Variants in PCDHGA6 observed in about 807,000 individuals in gnomAD.
PCDHGA6 encodes the protein protocadherin gamma-A6.
PCDHGA6 carries 41 observed loss-of-function variants against 60.6 expected under a neutral mutation model. The observed-to-expected ratio is 0.68, with a 90% confidence interval of 0.53 to 0.88. The LOEUF is 0.88. Ranked by LOEUF, PCDHGA6 falls within the 40% of genes least tolerant of loss-of-function variation. The pLI is 0.00. For missense variants in PCDHGA6, 1,312 were observed against 1,203.0 expected (o/e 1.09, Z -1.34); for synonymous variants, 594 against 524.4 (o/e 1.13, Z -1.81).
chr5:141,399,055 G>A (rs372997829), intron 1 of PCDHGA6: 3 of 1,613,726 alleles, frequency 1.9e-6, no homozygotes, highest in African/African-American at 2.7e-5. Context: ...AGAGACCAAG[G>A]AATATTCAAT....
chr5:141,494,962 T>G (rs1644946600), intron 2 of PCDHGA6, 97 bp downstream of exon 2: 4 of 1,596,756 alleles, frequency 2.5e-6, no homozygotes, highest in Non-Finnish European at 3.4e-6. Context: ...TTGCTACAGA[T>G]GGCTTCTCCC....
intron 1 of PCDHGA6, chr5:141,385,740 T>A: frequency 4.9e-6 from 1 of 202,756 alleles, no homozygotes; most frequent in Non-Finnish European, 8.9e-6. Context: ...ATTTCTTCCA[T>A]GTGAAGATTT....
intron 1 of PCDHGA6, chr5:141,395,626 G>A (rs57582939): frequency 0.038 from 6,997 of 184,208 alleles, 191 homozygotes; most frequent in African/African-American, 0.067. Context: ...TTATCAAGAA[G>A]TCTAAAGCCT....
intron 1 of PCDHGA6, chr5:141,390,655 A>G (rs2092202484): frequency 4.9e-6 from 1 of 204,734 alleles, no homozygotes; most frequent in Non-Finnish European, 9.8e-6. Flanking sequence ...GCTTGGATAT[A>G]CCATAAATAT....
At chr5:141,390,019 G>GCCTGCGAC (rs1380063948) in intron 1 of PCDHGA6, 1 of 1,614,002 alleles carries the variant, frequency 6.2e-7, no homozygotes. Context: ...ATTGCCTTGC[G>GCCTGCGAC]CCTGCGACGC....
intron 1 of PCDHGA6, chr5:141,393,074 G>C (rs775449711): frequency 7.4e-6 from 12 of 1,613,592 alleles, no homozygotes; most frequent in African/African-American, 2.7e-5. Flanking sequence ...TGATCACCGC[G>C]GGCAGGATAG....
At chr5:141,467,736 G>T (rs1435480730) in intron 1 of PCDHGA6, among the ~76,000 whole-genome samples, 1 of 151,902 alleles carries the variant, frequency 6.6e-6, no homozygotes, top group Admixed American at 6.6e-5. Context: ...ATCCCAGCTC[G>T]CTGCAACCTC....
chr5:141,455,795 C>T (rs1251703490), intron 1 of PCDHGA6, among the ~76,000 whole-genome samples: 1 of 151,960 alleles, frequency 6.6e-6, no homozygotes, highest in African/African-American at 2.4e-5. Flanking sequence ...TCCGGAGATG[C>T]TTTAAAAAAT....
At chr5:141,402,361 T>G (rs2094255838) in intron 1 of PCDHGA6, among the ~76,000 whole-genome samples, 1 of 151,992 alleles carries the variant, frequency 6.6e-6, no homozygotes, top group Admixed American at 6.6e-5. Flanking sequence ...ATGAATGTAC[T>G]TCCAAACAAG....
chr5:141,444,146 T>C (rs2098418879), intron 1 of PCDHGA6, among the ~76,000 whole-genome samples: 2 of 145,824 alleles, frequency 1.4e-5, no homozygotes, highest in South Asian at 4.3e-4. Flanking sequence ...CACTTGTGTG[T>C]ACTGGATTTT....
chr5:141,504,287 T>C (rs1191226511), intron 2 of PCDHGA6, among the ~76,000 whole-genome samples: 2 of 152,166 alleles, frequency 1.3e-5, no homozygotes, highest in Non-Finnish European at 2.9e-5. Flanking sequence ...AATCATTTCA[T>C]GTTTTTTCAA....
intron 1 of PCDHGA6, chr5:141,427,962 G>T: frequency 2.5e-6 from 4 of 1,590,100 alleles, no homozygotes; most frequent in Non-Finnish European, 3.4e-6. Flanking sequence ...TGTGCCGCGG[G>T]TGCTGTACCC....
chr5:141,439,172 G>A (rs1181712838), intron 1 of PCDHGA6, among the ~76,000 whole-genome samples: 1 of 147,496 alleles, frequency 6.8e-6, no homozygotes, highest in Admixed American at 6.8e-5. Context: ...CAGCCTGGGC[G>A]ACATAGTGAG....
At chr5:141,458,617 T>A (rs1392739721) in intron 1 of PCDHGA6, among the ~76,000 whole-genome samples, 6 of 152,170 alleles carry the variant, frequency 3.9e-5, no homozygotes, top group Non-Finnish European at 8.8e-5. Flanking sequence ...TCAGCCAGGC[T>A]GGAGTGCAGT....
At chr5:141,384,573 C>A in intron 1 of PCDHGA6, 1 of 1,614,250 alleles carries the variant, frequency 6.2e-7, no homozygotes, top group Non-Finnish European at 8.5e-7. Context: ...AGAATGACAA[C>A]CCGCCCGAGA....
At chr5:141,400,799 G>A in intron 1 of PCDHGA6, 1 of 553,494 alleles carries the variant, frequency 1.8e-6, no homozygotes, top group Non-Finnish European at 3.2e-6. Context: ...CTTTCTCAAA[G>A]CTAATGAATT....
chr5:141,388,923 TTCCAG>T (rs1561622090), intron 1 of PCDHGA6: 2 of 1,614,002 alleles, frequency 1.2e-6, no homozygotes, highest in Admixed American at 1.7e-5. Context: ...AGAAGTGATA[TTCCAG>T]TCTCTACCCA....
intron 1 of PCDHGA6, among the ~76,000 whole-genome samples, chr5:141,438,792 G>T (rs2098065674): frequency 6.7e-6 from 1 of 149,346 alleles, no homozygotes. Flanking sequence ...CTCTCCAGTA[G>T]CTGGGATTAC....
Position 141,490,220 on chromosome 5 carries a change from A to G in PCDHGA6, c.2425-4587A>G. 6.2e-7 allele frequency: 1 copy of G among 1,614,252 alleles called. No individual in the cohort carries two copies. Among genetic ancestry groups the G allele is most frequent in the Non-Finnish European group, 8.5e-7 (1 of 1,180,044 alleles). On this transcript the variant is annotated intron_variant, in intron 1 of 3. Coordinates refer to ENST00000517434, the MANE Select transcript of PCDHGA6 (RefSeq NM_018919.3). This position sits in a 1 kb window ranked among gnomAD's most constrained non-coding sequence, Gnocchi z 5.4. The stretch of plus-strand genomic sequence containing the variant: ...CATGCAAGAGCCCGTGACCAGGGAC[A>G]GCCTGCCATGGAGGGCCACTGTGTG...
Sources: allele counts gnomAD v4.1 joint callset (sites outside exome capture counted in the v4.1 genomes callset), GRCh38; gene constraint gnomAD v4.1.1; non-coding constraint Gnocchi (gnomAD v3.1); transcripts MANE v1.5; gene names NCBI Gene and HGNC (gene_info 2026-07-23, HGNC 2026-07-21).